PDE4D: variants seen among roughly 807,000 people sequenced by gnomAD.
PDE4D encodes 3',5'-cyclic-AMP phosphodiesterase 4D.
Under a neutral mutation model 87.4 loss-of-function variants are expected in PDE4D, and 24 were observed. The observed-to-expected ratio is 0.27, with a 90% CI of 0.20 to 0.39. PDE4D has a LOEUF of 0.39. PDE4D is among the 10% of genes least tolerant of loss of function. The pLI, the probability that PDE4D is intolerant of heterozygous loss-of-function variation, is 1.00. For missense variants in PDE4D, 714 were observed against 1,041.0 expected (o/e 0.69, Z 4.32); for synonymous variants, 384 against 383.2 (o/e 1.00, Z -0.02).
intron 1 of PDE4D, among the ~76,000 whole-genome samples, chr5:59,433,284 A>T (rs1796367191): frequency 6.6e-6 from 1 of 152,128 alleles, no homozygotes; most frequent in South Asian, 2.1e-4. Flanking sequence ...AAAATTCCAG[A>T]GTTTTCTTAG....
intron 2 of PDE4D, among the ~76,000 whole-genome samples, chr5:60,058,972 A>G (rs3958941): frequency 0.29 from 44,188 of 151,356 alleles, 7,220 homozygotes; most frequent in East Asian, 0.74. Context: ...CATTCTTTCT[A>G]GCTTCTTCAG....
At chr5:60,472,853 A>T (rs1420893254) in intron 1 of PDE4D, among the ~76,000 whole-genome samples, 2 of 152,190 alleles carry the variant, frequency 1.3e-5, no homozygotes, top group East Asian at 1.9e-4. Context: ...ACTTTATTAC[A>T]TGATTTACAT....
intron 1 of PDE4D, among the ~76,000 whole-genome samples, chr5:59,557,828 G>T (rs1452844793): frequency 6.6e-6 from 1 of 152,144 alleles, no homozygotes; most frequent in Non-Finnish European, 1.5e-5. Flanking sequence ...AGGGAAGAAA[G>T]TATAAACAGA....
At chr5:60,367,811 T>C (rs1048207552) in intron 1 of PDE4D, among the ~76,000 whole-genome samples, 1 of 152,178 alleles carries the variant, frequency 6.6e-6, no homozygotes, top group African/African-American at 2.4e-5. Flanking sequence ...CAAGTGCTCC[T>C]ATGACTCTTT....
At chr5:59,451,554 C>T (rs1039687244) in intron 1 of PDE4D, among the ~76,000 whole-genome samples, 1 of 152,196 alleles carries the variant, frequency 6.6e-6, no homozygotes, top group Non-Finnish European at 1.5e-5. Context: ...GTGATTAGAA[C>T]CTCAGCTACC....
chr5:59,303,380 G>T (rs963277148), intron 1 of PDE4D, among the ~76,000 whole-genome samples: 2 of 152,074 alleles, frequency 1.3e-5, no homozygotes, highest in Non-Finnish European at 2.9e-5. Flanking sequence ...CCCTGCAAAA[G>T]CTCGTAAAGT....
At position 59,517,394 on chromosome 5, in the gene PDE4D, G is replaced by T. The variant is rs534706644; in HGVS notation, c.456-301426C>A. ...AAGAATGGCAGGTCAAATTCACCTG[G>T]TTTTTAAAGATCAAATGCCTACTTT... On this transcript the variant is annotated intron_variant, in intron 1 of 14. Transcript: ENST00000340635. 2.0e-4 allele frequency among the ~76,000 whole-genome samples: 31 copies of T among 152,250 alleles called. No individual in the cohort carries two copies. In the South Asian group the frequency reaches 5.0e-3, roughly 24 times the overall value.
At chr5:59,003,541 ATATT>A (rs1337102518) in intron 6 of PDE4D, among the ~76,000 whole-genome samples, 1 of 152,182 alleles carries the variant, frequency 6.6e-6, no homozygotes, top group East Asian at 1.9e-4. Flanking sequence ...CCTTCATTCA[ATATT>A]TATTAAGCTC....
intron 1 of PDE4D, among the ~76,000 whole-genome samples, chr5:60,357,191 C>G (rs1362941375): frequency 1.3e-5 from 2 of 152,088 alleles, no homozygotes; most frequent in East Asian, 3.9e-4. Flanking sequence ...AATCAGAGGC[C>G]CGAGAGCTGT....
At chr5:59,745,011 G>T (rs572559348) in intron 1 of PDE4D, among the ~76,000 whole-genome samples, 38 of 152,160 alleles carry the variant, frequency 2.5e-4, no homozygotes, top group African/African-American at 8.9e-4. Context: ...TTATGTGAAG[G>T]GTAAAATCTG....
intron 3 of PDE4D, among the ~76,000 whole-genome samples, chr5:59,978,971 G>C (rs965218655): frequency 2.0e-5 from 3 of 151,944 alleles, no homozygotes; most frequent in Non-Finnish European, 2.9e-5. Flanking sequence ...TGTTTTCTTA[G>C]AGACAATGCT....
intron 1 of PDE4D, among the ~76,000 whole-genome samples, chr5:60,501,714 C>T (rs1192789207): frequency 6.6e-6 from 1 of 151,974 alleles, no homozygotes; most frequent in Non-Finnish European, 1.5e-5. Context: ...GAGATGGTAT[C>T]TCATTGTGGT....
chr5:59,268,862 AG>A (rs948971834), intron 1 of PDE4D, among the ~76,000 whole-genome samples: 5 of 152,042 alleles, frequency 3.3e-5, no homozygotes, highest in Non-Finnish European at 7.4e-5. Flanking sequence ...CTTCCCCTTC[AG>A]TTTCATCTTA....
chr5:59,337,351 T>TTA lies in PDE4D; in HGVS notation c.456-121384_456-121383insTA, dbSNP rs1297148497. Among the ~76,000 whole-genome samples, 265 of 144,530 alleles carry TTA rather than the reference T, an allele frequency of 1.8e-3. 1 individual carries two copies. The highest frequency in any genetic ancestry group is 3.1e-3 in the Non-Finnish European group (206 of 66,800). The allele number at this position is 144,530 out of a possible 152,430, so 94.8% of individuals were successfully genotyped here. ...CCCCCCCCCACCTTTTTTTTTTTTT[T>TTA]GACACGGAGTCTCGCTGTCGCCCAG... is the stretch of plus-strand genomic sequence containing the variant. On this transcript the variant is annotated intron_variant, in intron 1 of 14. Transcript: ENST00000340635.
chr5:59,623,846 C>A (rs1312404798), intron 1 of PDE4D, among the ~76,000 whole-genome samples: 1 of 152,156 alleles, frequency 6.6e-6, no homozygotes, highest in Non-Finnish European at 1.5e-5. Flanking sequence ...AAATTCACAA[C>A]ATTACCTCAC....
chr5:60,270,796 G>A (rs1199973051), intron 1 of PDE4D, among the ~76,000 whole-genome samples: 1 of 151,996 alleles, frequency 6.6e-6, no homozygotes, highest in African/African-American at 2.4e-5. Context: ...AGTAACCCTG[G>A]ACTTAAATTT....
At chr5:59,109,151 A>G (rs1772179105) in intron 5 of PDE4D, among the ~76,000 whole-genome samples, 1 of 152,066 alleles carries the variant, frequency 6.6e-6, no homozygotes, top group Non-Finnish European at 1.5e-5. Context: ...TGCACATAGA[A>G]GTTGAGGCAC....
intron 5 of PDE4D, among the ~76,000 whole-genome samples, chr5:59,111,453 T>C (rs1253447368): frequency 1.3e-5 from 2 of 152,208 alleles, no homozygotes; most frequent in Non-Finnish European, 2.9e-5. Flanking sequence ...CACTTTCCAA[T>C]AGGCTCTTGA....
At chr5:59,003,671 G>A (rs1750989352) in intron 6 of PDE4D, among the ~76,000 whole-genome samples, 1 of 152,092 alleles carries the variant, frequency 6.6e-6, no homozygotes, top group South Asian at 2.1e-4. Flanking sequence ...AAGCACAATG[G>A]AGAGAAAGAA....
Sources: gnomAD v4.1 joint callset for allele counts (sites outside exome capture counted in the v4.1 genomes callset) on GRCh38, gnomAD v4.1.1 for gene constraint, MANE v1.5 for transcripts, NCBI Gene and HGNC (gene_info 2026-07-23, HGNC 2026-07-21) for gene names.